CHCHD6: variants seen among roughly 807,000 people sequenced by gnomAD.
CHCHD6 encodes the protein MICOS complex subunit MIC25.
In CHCHD6, 28 loss-of-function variants were observed where a neutral mutation model predicts 32.3. The observed-to-expected ratio is 0.87, with a 90% CI of 0.64 to 1.19. CHCHD6 has a LOEUF of 1.19. Among genes scored for constraint, CHCHD6 ranks in the 50% most tolerant of loss-of-function variants. The probability of loss-of-function intolerance (pLI) is 0.00; values close to 1 mark genes in which losing one functional copy is unlikely to be tolerated. For synonymous variants in CHCHD6, 122 were observed against 117.5 expected (o/e 1.04, Z -0.25); for missense variants, 333 against 307.0 (o/e 1.08, Z -0.63).
At chr3:126,910,415 G>A (rs909743431) in intron 5 of CHCHD6, among the ~76,000 whole-genome samples, 6 of 152,116 alleles carry the variant, frequency 3.9e-5, no homozygotes, top group South Asian at 2.1e-4. Flanking sequence ...CCTCCTGGCC[G>A]TTGCCCTGTG....
chr3:126,838,040 A>G (rs1304159044), intron 4 of CHCHD6, among the ~76,000 whole-genome samples: 3 of 152,154 alleles, frequency 2.0e-5, no homozygotes, highest in African/African-American at 4.8e-5. Flanking sequence ...GCGGGGGAGC[A>G]GTGTCAGCAC....
chr3:126,801,090 G>A (rs1939041854), intron 4 of CHCHD6, among the ~76,000 whole-genome samples: 1 of 152,216 alleles, frequency 6.6e-6, no homozygotes, highest in Admixed American at 6.5e-5. Context: ...AGCCAAGATG[G>A]CCGAATAGGA....
chr3:126,834,674 G>A (rs1160913823), intron 4 of CHCHD6, among the ~76,000 whole-genome samples: 3 of 152,126 alleles, frequency 2.0e-5, no homozygotes, highest in African/African-American at 4.8e-5. Flanking sequence ...ATGACTATCC[G>A]AGTCCAAGTG....
rs140844446 is a variant in CHCHD6 at position 126,731,991 on chromosome 3, A to C, written c.267-1087A>C. On this transcript the variant is annotated intron_variant, in intron 3 of 7. Coordinates refer to ENST00000290913, the MANE Select transcript of CHCHD6 (RefSeq NM_032343.3). The stretch of plus-strand genomic sequence containing the variant: ...CTGCTCAAGAGGCTGAGGTGGGAGG[A>C]TTGCTTGAGCCCAGAAGTTGGAGTT... Among the ~76,000 whole-genome samples, 561 of 145,920 alleles carry C rather than the reference A, an allele frequency of 3.8e-3. 7 individuals are homozygous for C. Among genetic ancestry groups the C allele is most frequent in the African/African-American group, 0.014 (544 of 39,748 alleles).
At chr3:126,842,296 C>A (rs910693979) in intron 4 of CHCHD6, among the ~76,000 whole-genome samples, 2 of 152,134 alleles carry the variant, frequency 1.3e-5, no homozygotes, top group Non-Finnish European at 2.9e-5. Flanking sequence ...GAATCTTGGG[C>A]CCAATTTTGA....
At chr3:126,896,472 C>T (rs1482874453) in intron 5 of CHCHD6, among the ~76,000 whole-genome samples, 1 of 152,204 alleles carries the variant, frequency 6.6e-6, no homozygotes, top group African/African-American at 2.4e-5. Flanking sequence ...CTCCCTGCTG[C>T]CCAGTCTCCA....
chr3:126,959,163 C>T (rs114732628), intron 7 of CHCHD6, among the ~76,000 whole-genome samples: 4,539 of 152,344 alleles, frequency 0.03, 98 homozygotes, highest in Non-Finnish European at 0.039. Context: ...AATGTGATTA[C>T]CAAGGAAGAC....
At chr3:126,942,142 A>G (rs1227695242) in intron 6 of CHCHD6, among the ~76,000 whole-genome samples, 1 of 152,162 alleles carries the variant, frequency 6.6e-6, no homozygotes, top group Non-Finnish European at 1.5e-5. Flanking sequence ...GGAAGACCCC[A>G]GAACTGGTGC....
intron 4 of CHCHD6, among the ~76,000 whole-genome samples, chr3:126,798,060 G>T (rs1214879999): frequency 6.6e-6 from 1 of 152,146 alleles, no homozygotes; most frequent in Non-Finnish European, 1.5e-5. Context: ...AAAAGTCTAT[G>T]ACTTTTGCTT....
At chr3:126,957,729 C>T (rs1057265451) in intron 7 of CHCHD6, 178 bp downstream of exon 7, 68 of 758,122 alleles carry the variant, frequency 9.0e-5, no homozygotes, top group South Asian at 8.0e-4. Flanking sequence ...TGCACACTCT[C>T]CTGGCTGCTT....
At chr3:126,779,957 G>A (rs1372281900) in intron 4 of CHCHD6, among the ~76,000 whole-genome samples, 2 of 152,210 alleles carry the variant, frequency 1.3e-5, no homozygotes, top group Admixed American at 1.3e-4. Context: ...ATCAGAGCCA[G>A]CTGTAGAGAC....
intron 6 of CHCHD6, among the ~76,000 whole-genome samples, chr3:126,936,062 C>T (rs1486859829): frequency 1.3e-5 from 2 of 152,192 alleles, no homozygotes; most frequent in East Asian, 3.9e-4. Context: ...ATGGATTATA[C>T]AGGGCATCCC....
At chr3:126,955,473 G>T (rs765084031) in intron 6 of CHCHD6, among the ~76,000 whole-genome samples, 1 of 152,248 alleles carries the variant, frequency 6.6e-6, no homozygotes, top group Non-Finnish European at 1.5e-5. Context: ...GACCTCAATG[G>T]CTAGGATGGG....
At chr3:126,733,007 G>C (rs1028245088) in intron 3 of CHCHD6, 71 bp from the exon 4 acceptor site, 4 of 1,555,734 alleles carry the variant, frequency 2.6e-6, no homozygotes, top group Admixed American at 1.7e-5. Context: ...TGAGTGCGCA[G>C]ATCTTGTCTT....
chr3:126,929,562 ACTCT>A (rs1312086717), intron 6 of CHCHD6, among the ~76,000 whole-genome samples: 15 of 147,520 alleles, frequency 1.0e-4, no homozygotes, highest in South Asian at 2.2e-4. Flanking sequence ...ATCTCTCTCA[ACTCT>A]CTCTCTCTTT....
intron 5 of CHCHD6, among the ~76,000 whole-genome samples, chr3:126,872,487 G>T (rs1445956920): frequency 2.0e-5 from 3 of 152,168 alleles, no homozygotes. Flanking sequence ...CTAGGCTCGG[G>T]CTCAAGAATC....
intron 4 of CHCHD6, among the ~76,000 whole-genome samples, chr3:126,845,069 A>T (rs1035385035): frequency 3.3e-5 from 5 of 152,202 alleles, no homozygotes; most frequent in Non-Finnish European, 5.9e-5. Flanking sequence ...GTAAGAGAAG[A>T]CGTTTATATT....
intron 6 of CHCHD6, among the ~76,000 whole-genome samples, chr3:126,943,175 C>T (rs1014192803): frequency 6.6e-6 from 1 of 152,228 alleles, no homozygotes; most frequent in Non-Finnish European, 1.5e-5. Flanking sequence ...TAGCTGCAAG[C>T]AGGCCACTGC....
chr3:126,868,430 A>G (rs2077417555), intron 5 of CHCHD6, among the ~76,000 whole-genome samples: 1 of 151,944 alleles, frequency 6.6e-6, no homozygotes, highest in African/African-American at 2.4e-5. Context: ...GCCATGGGGC[A>G]GCATTGCTTT....
Sources: allele counts gnomAD v4.1 joint callset (sites outside exome capture counted in the v4.1 genomes callset), GRCh38; gene constraint gnomAD v4.1.1; transcripts MANE v1.5; gene names NCBI Gene and HGNC (gene_info 2026-07-23, HGNC 2026-07-21).